GSG1L: variants seen among roughly 807,000 people sequenced by gnomAD.
The protein encoded by GSG1L is germ cell-specific gene 1-like protein.
In GSG1L, 24 loss-of-function variants were observed where a neutral mutation model predicts 42.1. The observed-to-expected ratio is 0.57, with a 90% CI of 0.41 to 0.80. The LOEUF (loss-of-function observed/expected upper bound fraction) is 0.80. Among genes scored for constraint, GSG1L ranks in the 30% least tolerant of loss-of-function variants. GSG1L has a pLI of 0.00. For missense variants in GSG1L, 445 were observed against 472.2 expected (o/e 0.94, Z 0.53); for synonymous variants, 215 against 203.5 (o/e 1.06, Z -0.48).
intron 3 of GSG1L, among the ~76,000 whole-genome samples, chr16:27,859,407 G>C (rs370981703): frequency 6.6e-6 from 1 of 152,204 alleles, no homozygotes; most frequent in Non-Finnish European, 1.5e-5. Context: ...GGGGGGTCTC[G>C]GCACCATGCC....
At chr16:27,824,811 G>T (rs907053445) in intron 5 of GSG1L, among the ~76,000 whole-genome samples, 7 of 152,316 alleles carry the variant, frequency 4.6e-5, no homozygotes, top group African/African-American at 7.2e-5. Context: ...GCAAAATGAG[G>T]TGTGTTTTAC....
chr16:27,818,732 T>C (rs1230346108), intron 5 of GSG1L, among the ~76,000 whole-genome samples: 1 of 152,034 alleles, frequency 6.6e-6, no homozygotes, highest in Non-Finnish European at 1.5e-5. Flanking sequence ...TAAGATTCCA[T>C]AACATCACGT....
intron 3 of GSG1L, among the ~76,000 whole-genome samples, chr16:27,863,535 T>G (rs1384235886): frequency 6.6e-6 from 1 of 152,236 alleles, no homozygotes; most frequent in Non-Finnish European, 1.5e-5. Context: ...GAGTTCTAAC[T>G]TTTAACTGAT....
intron 4 of GSG1L, among the ~76,000 whole-genome samples, chr16:27,833,561 T>C (rs1162636520): frequency 4.6e-5 from 7 of 152,312 alleles, no homozygotes; most frequent in Non-Finnish European, 4.4e-5. Context: ...TACTGAGTGT[T>C]CTGATCCATG....
At chr16:27,890,622 A>G (rs894398672) in intron 2 of GSG1L, among the ~76,000 whole-genome samples, 3 of 152,210 alleles carry the variant, frequency 2.0e-5, no homozygotes, top group Non-Finnish European at 4.4e-5. Context: ...CACTGGTGCC[A>G]TGTTCCTAGC....
chr16:28,031,604 T>G (rs1322588076), intron 1 of GSG1L, among the ~76,000 whole-genome samples: 1 of 152,200 alleles, frequency 6.6e-6, no homozygotes, highest in East Asian at 1.9e-4. Flanking sequence ...TATGAATGGA[T>G]GCACCCATTT....
At chr16:27,951,015 G>A (rs2084945431) in intron 2 of GSG1L, among the ~76,000 whole-genome samples, 2 of 152,152 alleles carry the variant, frequency 1.3e-5, no homozygotes. Context: ...ACAGAGCGAG[G>A]TTAGGGATGG....
chr16:28,054,928 C>T (rs2086262299), intron 1 of GSG1L, among the ~76,000 whole-genome samples: 1 of 152,132 alleles, frequency 6.6e-6, no homozygotes, highest in South Asian at 2.1e-4. Context: ...CACGAGCCAC[C>T]CCCTCCTGCA....
intron 6 of GSG1L, among the ~76,000 whole-genome samples, chr16:27,792,822 G>T (rs992183807): frequency 1.3e-5 from 2 of 152,214 alleles, no homozygotes; most frequent in Non-Finnish European, 2.9e-5. Context: ...GGGAGTGAAG[G>T]GGGGAAGGAA....
intron 1 of GSG1L, among the ~76,000 whole-genome samples, chr16:27,998,135 G>A (rs1013990667): frequency 7.2e-5 from 11 of 152,062 alleles, no homozygotes; most frequent in Admixed American, 2.6e-4. Context: ...GGGATTACAG[G>A]TGTGAGCCAC....
intron 1 of GSG1L, among the ~76,000 whole-genome samples, chr16:28,009,693 G>A (rs1347083081): frequency 6.6e-6 from 1 of 152,238 alleles, no homozygotes; most frequent in Non-Finnish European, 1.5e-5. Flanking sequence ...AGGCAGGGAT[G>A]CAGTGGAAAC....
chr16:27,946,596 A>G (rs1452613250), intron 2 of GSG1L, among the ~76,000 whole-genome samples: 1 of 7,804 alleles, frequency 1.3e-4, no homozygotes, highest in Admixed American at 2.1e-3. Flanking sequence ...AGAGAGAGAG[A>G]GAGAGAGAGA....
chr16:28,035,232 T>C (rs963864947), intron 1 of GSG1L, among the ~76,000 whole-genome samples: 3 of 151,918 alleles, frequency 2.0e-5, no homozygotes, highest in Non-Finnish European at 2.9e-5. Flanking sequence ...ACTATGTTGC[T>C]CAGGCTGGTC....
rs926487604 is a variant in GSG1L at position 28,022,094 on chromosome 16, T to A, written c.349+40982A>T. On this transcript the variant is annotated intron_variant, in intron 1 of 6. Coordinates refer to ENST00000447459, the MANE Select transcript of GSG1L (RefSeq NM_001109763.2). Reference sequence around the variant, plus strand: ...ATATAATATGTTTAGGGTTGTAGGCTTAGGTGGCAAAATTATAAAGTGAGT... The same window carrying A: ...ATATAATATGTTTAGGGTTGTAGGCATAGGTGGCAAAATTATAAAGTGAGT... Among the ~76,000 whole-genome samples, 3 of 152,130 alleles carry A rather than the reference T, an allele frequency of 2.0e-5. No homozygotes were observed. The East Asian group carries it at 5.8e-4, about 29-fold the overall frequency.
Position 27,915,922 on chromosome 16 carries a change from T to A in GSG1L, c.398-31284A>T, listed in dbSNP as rs546364764. 2.0e-5 allele frequency among the ~76,000 whole-genome samples: 3 copies of A among 151,960 alleles called. No individual in the cohort carries two copies. The East Asian group carries it at 5.8e-4, about 29-fold the overall frequency. ...TTACCGGGTGGGGCCCTCGGGCAAA[T>A]CATTTAACTTTTTTTGCAGTGAATA... On this transcript the variant is annotated intron_variant, in intron 2 of 6. Transcript: ENST00000447459.
chr16:27,882,569 G>A lies in GSG1L; in HGVS notation c.550+1917C>T, dbSNP rs79484155. Among the ~76,000 whole-genome samples the A allele has an allele frequency of 4.1e-3, 619 of 152,142 alleles. 30 individuals are homozygous for A. In the East Asian group the frequency reaches 0.11, roughly 27 times the overall value. ...CTATGTGAAGTTCCCAGAATATGCCGCATCATCAGGCCTTTGCTTACGCTG... is the reference window on the plus strand; with the variant it reads ...CTATGTGAAGTTCCCAGAATATGCCACATCATCAGGCCTTTGCTTACGCTG... On this transcript the variant is annotated intron_variant, in intron 3 of 6. Coordinates refer to ENST00000447459, the MANE Select transcript of GSG1L (RefSeq NM_001109763.2).
intron 2 of GSG1L, among the ~76,000 whole-genome samples, chr16:27,947,420 G>GAAAGAAAGAA (rs1555510003): frequency 6.9e-6 from 1 of 143,904 alleles, no homozygotes; most frequent in Non-Finnish European, 1.5e-5. Flanking sequence ...AAGAAAGAAA[G>GAAAGAAAGAA]AAAGAAAGAG....
At chr16:27,973,516 A>T (rs2085216961) in intron 1 of GSG1L, among the ~76,000 whole-genome samples, 1 of 149,104 alleles carries the variant, frequency 6.7e-6, no homozygotes, top group Admixed American at 6.8e-5. Flanking sequence ...TGTCACCTAC[A>T]TGCGGGTCAG....
In GSG1L at chr16:28,055,014, G is replaced by A. The variant is rs896140027; in HGVS notation, c.349+8062C>T. Among the ~76,000 whole-genome samples the A allele has an allele frequency of 7.2e-5, 11 of 152,242 alleles. 1 individual carries two copies. The South Asian group carries it at 1.2e-3, about 17-fold the overall frequency. ...CCTACTCCTTCCTCACGTCACTCTC[G>A]TAGGTTTCCAGGCTGGCCTCTGTGG... is the stretch of plus-strand genomic sequence containing the variant. On this transcript the variant is annotated intron_variant, in intron 1 of 6. Coordinates refer to ENST00000447459, the MANE Select transcript of GSG1L (RefSeq NM_001109763.2).
Sources: allele counts gnomAD v4.1 joint callset (sites outside exome capture counted in the v4.1 genomes callset), GRCh38; gene constraint gnomAD v4.1.1; transcripts MANE v1.5; gene names NCBI Gene and HGNC (gene_info 2026-07-23, HGNC 2026-07-21).